Variants in PPP3CA observed in about 807,000 individuals in gnomAD.
The protein encoded by PPP3CA is CAM-PRP catalytic subunit.
A neutral mutation model predicts 66.5 loss-of-function variants in PPP3CA; 14 were observed. The ratio of observed to expected loss-of-function variants is 0.21; its 90% CI spans 0.14 to 0.33. The LOEUF is 0.33. Ranked by LOEUF, PPP3CA falls within the 10% of genes least tolerant of loss-of-function variation. PPP3CA has a pLI of 1.00. For missense variants in PPP3CA, 317 were observed against 639.5 expected, an observed-to-expected ratio of 0.50 and a Z score of 5.44; for synonymous variants, 232 against 226.2, an observed-to-expected ratio of 1.03 and a Z score of -0.23.
intron 2 of PPP3CA, among the ~76,000 whole-genome samples, chr4:101,142,333 C>G (rs1356201574): frequency 6.6e-6 from 1 of 152,156 alleles, no homozygotes; most frequent in Non-Finnish European, 1.5e-5. Flanking sequence ...CAAGGAAGAG[C>G]TGCTTAGTGA....
intron 1 of PPP3CA, among the ~76,000 whole-genome samples, chr4:101,280,063 T>C (rs1189696143): frequency 6.6e-6 from 1 of 152,206 alleles, no homozygotes; most frequent in Non-Finnish European, 1.5e-5. Flanking sequence ...GCACTTACTA[T>C]GGACCAGGCA....
chr4:101,339,616 TTAATA>T (rs1364595342), intron 1 of PPP3CA, among the ~76,000 whole-genome samples: 2 of 152,204 alleles, frequency 1.3e-5, no homozygotes, highest in Non-Finnish European at 2.9e-5. Flanking sequence ...CAAATGGAAC[TTAATA>T]TAATACACTC....
intron 1 of PPP3CA, among the ~76,000 whole-genome samples, chr4:101,242,293 T>C (rs1726336622): frequency 6.6e-6 from 1 of 152,096 alleles, no homozygotes; most frequent in African/African-American, 2.4e-5. Context: ...AATCAGTTAC[T>C]TTTTTTAATC....
intron 2 of PPP3CA, among the ~76,000 whole-genome samples, chr4:101,160,162 G>A (rs1723457048): frequency 6.6e-6 from 1 of 152,066 alleles, no homozygotes; most frequent in Admixed American, 6.6e-5. Context: ...AACTGCATGT[G>A]CCATACAATT....
intron 8 of PPP3CA, among the ~76,000 whole-genome samples, chr4:101,070,904 A>C (rs1053820426): frequency 6.6e-6 from 1 of 152,194 alleles, no homozygotes; most frequent in African/African-American, 2.4e-5. Context: ...TTCTTCTAGC[A>C]AATTTTTTTT....
At chr4:101,263,212 T>A (rs1727060890) in intron 1 of PPP3CA, among the ~76,000 whole-genome samples, 1 of 152,208 alleles carries the variant, frequency 6.6e-6, no homozygotes, top group Admixed American at 6.5e-5. Context: ...TGGGAATATG[T>A]CATCTTTGCT....
intron 1 of PPP3CA, among the ~76,000 whole-genome samples, chr4:101,224,682 T>G (rs1578569793): frequency 6.6e-6 from 1 of 151,858 alleles, no homozygotes; most frequent in African/African-American, 2.4e-5. Context: ...AAATATAAAG[T>G]CTTCTGAAAT....
chr4:101,211,195 T>TG (rs139381281), intron 1 of PPP3CA, among the ~76,000 whole-genome samples: 4,288 of 152,232 alleles, frequency 0.028, 208 homozygotes, highest in African/African-American at 0.097. Flanking sequence ...GCCCCTGCTT[T>TG]GGGGCTGTGC....
intron 1 of PPP3CA, among the ~76,000 whole-genome samples, chr4:101,212,364 GA>G (rs1220488233): frequency 1.3e-5 from 2 of 152,128 alleles, no homozygotes; most frequent in Non-Finnish European, 2.9e-5. Context: ...CACAGGAACA[GA>G]AAACCAAATA....
chr4:101,139,651 G>A (rs918539326), intron 2 of PPP3CA, among the ~76,000 whole-genome samples: 2 of 150,674 alleles, frequency 1.3e-5, no homozygotes, highest in African/African-American at 4.9e-5. Context: ...TTTACAAAGT[G>A]GAATGGATCT....
At position 101,346,989 on chromosome 4, in the gene PPP3CA, C is replaced by A. The variant is rs149278688; in HGVS notation, c.-193G>T. Reference sequence around the variant, plus strand: ...TCCGCGCGTCCCTCCTCCGCCGCCGCCGCCTTCACTCCTCCTCCGCCGCTG... The same window carrying A: ...TCCGCGCGTCCCTCCTCCGCCGCCGACGCCTTCACTCCTCCTCCGCCGCTG... On this transcript the variant is annotated 5_prime_UTR_variant, in exon 1 of 14. Transcript: ENST00000394854. 11,408 of 633,516 alleles carry A rather than the reference C, an allele frequency of 0.018. 138 individuals carry two copies. Among genetic ancestry groups the A allele is most frequent in the Middle Eastern group, 0.026 (67 of 2,532 alleles). 39.2% of individuals were successfully genotyped at this position (633,516 alleles called of 1,614,324 possible). A position where few individuals can be genotyped will look rare whatever the true frequency, so the allele number is the denominator to read the frequency against.
intron 2 of PPP3CA, among the ~76,000 whole-genome samples, chr4:101,136,594 A>G (rs1041596237): frequency 6.6e-6 from 1 of 151,782 alleles, no homozygotes; most frequent in African/African-American, 2.4e-5. Context: ...CTCCAGTATT[A>G]TAACAAGGAT....
intron 2 of PPP3CA, among the ~76,000 whole-genome samples, chr4:101,160,422 A>G (rs1723466926): frequency 6.6e-6 from 1 of 152,174 alleles, no homozygotes; most frequent in Non-Finnish European, 1.5e-5. Flanking sequence ...TCAAACTTTA[A>G]TATTCATCAA....
Position 101,321,250 on chromosome 4 carries a change from T to C in PPP3CA, c.58+25489A>G, listed in dbSNP as rs1165870020. Among the ~76,000 whole-genome samples, 3 of 152,320 alleles carry C rather than the reference T, an allele frequency of 2.0e-5. No individual in the cohort carries two copies. The East Asian group carries it at 5.8e-4, about 29-fold the overall frequency. ...ACAGAGGTAAACATGTCCATACACA[T>C]ATATTTTATATAAATTAACCCAAAA... On this transcript the variant is annotated intron_variant, in intron 1 of 13. Coordinates refer to ENST00000394854, the MANE Select transcript of PPP3CA (RefSeq NM_000944.5).
intron 2 of PPP3CA, among the ~76,000 whole-genome samples, chr4:101,156,487 C>T (rs1723324985): frequency 6.6e-6 from 1 of 152,150 alleles, no homozygotes; most frequent in Admixed American, 6.5e-5. Context: ...TCGAGACCAG[C>T]CTGACCAACA....
intron 1 of PPP3CA, among the ~76,000 whole-genome samples, chr4:101,204,723 G>A (rs925547600): frequency 4.0e-5 from 6 of 151,018 alleles, no homozygotes; most frequent in Non-Finnish European, 5.9e-5. Flanking sequence ...TTGCATACAT[G>A]GGCATGATAA....
intron 1 of PPP3CA, among the ~76,000 whole-genome samples, chr4:101,332,054 G>C (rs545403476): frequency 6.6e-6 from 1 of 152,204 alleles, no homozygotes; most frequent in Non-Finnish European, 1.5e-5. Flanking sequence ...TGCAGCACTA[G>C]GTTAGAAGTA....
chr4:101,041,758 A>G (rs1304076663), intron 10 of PPP3CA, among the ~76,000 whole-genome samples: 1 of 152,080 alleles, frequency 6.6e-6, no homozygotes, highest in Non-Finnish European at 1.5e-5. Flanking sequence ...CCAAGGTAAA[A>G]TGGATAAGCT....
chr4:101,098,225 A>T, intron 5 of PPP3CA, 142 bp downstream of exon 5: 1 of 889,766 alleles, frequency 1.1e-6, no homozygotes, highest in Non-Finnish European at 1.6e-6. Flanking sequence ...ATAAAAATTT[A>T]ACACAAAGGA....
Sources: allele counts gnomAD v4.1 joint callset (sites outside exome capture counted in the v4.1 genomes callset), GRCh38; gene constraint gnomAD v4.1.1; transcripts MANE v1.5; gene names NCBI Gene and HGNC (gene_info 2026-07-23, HGNC 2026-07-21).